IL12RB1: variants seen among roughly 807,000 people sequenced by gnomAD.
IL12RB1 encodes the protein interleukin 12 receptor subunit beta 1.
A neutral mutation model predicts 94.4 loss-of-function variants in IL12RB1; 64 were observed. The ratio of observed to expected loss-of-function variants is 0.68; its 90% CI spans 0.55 to 0.83. The LOEUF is 0.83. IL12RB1 is among the 40% of genes least tolerant of loss of function. The pLI is 0.00. For synonymous variants in IL12RB1, 362 were observed against 355.5 expected (o/e 1.02, Z -0.21); for missense variants, 814 against 855.6 (o/e 0.95, Z 0.61).
At chr19:18,098,886 C>T (rs937137649) in exon 1 of IL12RB1, 7 of 442,754 alleles carry the variant, frequency 1.6e-5, no homozygotes, top group Non-Finnish European at 3.2e-5. Context: ...GCAGCGGTGA[C>T]CCCACGGAGT....
In IL12RB1 at chr19:18,063,864, C is replaced by G; in HGVS notation, c.1618+12G>C. On this transcript the variant is annotated intron_variant, in intron 13 of 16. Coordinates refer to ENST00000593993, the MANE Select transcript of IL12RB1 (RefSeq NM_005535.3). ...GCTGGGTAAATAACTGGGTCCTACC[C>G]CCTCCACTCACCGATGCTGAAGCGC... 6.2e-7 allele frequency: 1 copy of G among 1,612,162 alleles called. No individual in the cohort carries two copies. Among genetic ancestry groups the G allele is most frequent in the Non-Finnish European group, 8.5e-7 (1 of 1,178,992 alleles).
Position 18,063,996 on chromosome 19 carries a change from G to A in IL12RB1, c.1498C>T (p.Pro500Ser). ...SKQVSEHPVQ[P>S]TETQVTLSGL... Reference sequence around the variant, plus strand: ...CTGAGGGTAACTTGGGTCTCTGTGGGCTGCACGGGATGCTCTGCAGTGGGA... The same window carrying A: ...CTGAGGGTAACTTGGGTCTCTGTGGACTGCACGGGATGCTCTGCAGTGGGA... The change falls in exon 13 of 17, where the codon CCC becomes TCC. Residue 500 changes from proline to serine, a missense_variant. Coordinates refer to ENST00000593993, the MANE Select transcript of IL12RB1 (RefSeq NM_005535.3). 21 of 1,611,794 alleles carry A rather than the reference G, an allele frequency of 1.3e-5. No homozygotes were observed. The highest frequency in any genetic ancestry group is 1.8e-5 in the Non-Finnish European group (21 of 1,178,156).
At chr19:18,089,167 T>C (rs1421230473), upstream of IL12RB1, among the ~76,000 whole-genome samples, 1 of 151,414 alleles carries the variant, frequency 6.6e-6, no homozygotes, top group Non-Finnish European at 1.5e-5. Flanking sequence ...AGGCAGACAG[T>C]AGCTGAGTGG....
intron 1 of IL12RB1, among the ~76,000 whole-genome samples, chr19:18,096,115 C>T (rs978683197): frequency 1.3e-5 from 2 of 152,100 alleles, no homozygotes; most frequent in East Asian, 3.9e-4. Flanking sequence ...GTGGTCCCAC[C>T]TACTCTGGGA....
intron 4 of IL12RB1, 92 bp downstream of exon 4, chr19:18,080,740 T>G (rs1161945445): frequency 1.1e-6 from 1 of 870,024 alleles, no homozygotes; most frequent in Non-Finnish European, 2.0e-6. Context: ...TCAAGTCCCT[T>G]GCCAAGGGCC....
chr19:18,096,251 A>G (rs558811337), intron 1 of IL12RB1, among the ~76,000 whole-genome samples: 1 of 151,538 alleles, frequency 6.6e-6, no homozygotes, highest in African/African-American at 2.4e-5. Flanking sequence ...CAAAAAAAAA[A>G]TTTTTTTTTA....
upstream of IL12RB1, among the ~76,000 whole-genome samples, chr19:18,088,388 A>AATATATATATATATATATATATATATAT (rs372635550): frequency 8.3e-5 from 9 of 108,512 alleles, no homozygotes; most frequent in South Asian, 2.8e-4. Flanking sequence ...TCCATCTCAA[A>AATATATATATATATATATATATATATAT]ATATATATAT....
intron 1 of IL12RB1, among the ~76,000 whole-genome samples, chr19:18,094,217 C>T (rs1401322958): frequency 6.6e-6 from 1 of 152,214 alleles, no homozygotes; most frequent in Non-Finnish European, 1.5e-5. Flanking sequence ...CAACCTCTGC[C>T]TCCCAGGTTC....
At chr19:18,080,387 C>T (rs568078457) in intron 4 of IL12RB1, among the ~76,000 whole-genome samples, 4 of 152,174 alleles carry the variant, frequency 2.6e-5, no homozygotes, top group East Asian at 3.9e-4. Flanking sequence ...TACAGGCGCG[C>T]GTGGCCACTC....
Position 18,059,291 on chromosome 19 carries a change from G to T in IL12RB1, c.*317C>A. On this transcript the variant is annotated 3_prime_UTR_variant, in exon 17 of 17. Coordinates refer to ENST00000593993, the MANE Select transcript of IL12RB1 (RefSeq NM_005535.3). The stretch of plus-strand genomic sequence containing the variant: ...AGACTCCCCATCCAGTGCTCCTGGG[G>T]GTGGATGCCCAGCCCAGGGTCCAGG... 2.0e-6 allele frequency: 1 copy of T among 488,900 alleles called. No individual in the cohort carries two copies. Among genetic ancestry groups the T allele is most frequent in the Admixed American group, 3.4e-5 (1 of 29,412 alleles). The allele number at this position is 488,900 out of a possible 1,614,324, so 30.3% of individuals were successfully genotyped here. A position where few individuals can be genotyped will look rare whatever the true frequency, so the allele number is the denominator to read the frequency against.
chr19:18,061,526 G>C (rs894219485), intron 14 of IL12RB1, among the ~76,000 whole-genome samples: 1 of 151,878 alleles, frequency 6.6e-6, no homozygotes, highest in Non-Finnish European at 1.5e-5. Flanking sequence ...CACCGTGCCC[G>C]GCTTGAAAGC....
In IL12RB1 at chr19:18,059,318, A is replaced by T; in HGVS notation, c.*290T>A. The T allele has an allele frequency of 1.9e-6, 1 of 540,276 alleles. No individual in the cohort carries two copies. Among genetic ancestry groups the T allele is most frequent in the Non-Finnish European group, 3.4e-6 (1 of 298,312 alleles). The allele number at this position is 540,276 out of a possible 1,614,324, so 33.5% of individuals were successfully genotyped here. On this transcript the variant is annotated 3_prime_UTR_variant, in exon 17 of 17. Coordinates refer to ENST00000593993, the MANE Select transcript of IL12RB1 (RefSeq NM_005535.3). The stretch of plus-strand genomic sequence containing the variant: ...TGGATGCCCAGCCCAGGGTCCAGGG[A>T]TCCATCTGAGCCCCCCTTGCCCCCA...
intron 1 of IL12RB1, among the ~76,000 whole-genome samples, chr19:18,096,193 G>T (rs1318059787): frequency 6.6e-6 from 1 of 152,036 alleles, no homozygotes; most frequent in Non-Finnish European, 1.5e-5. Context: ...AATGAGACAA[G>T]ATTGCACCAC....
chr19:18,082,082 CA>C, intron 3 of IL12RB1, 67 bp downstream of exon 3: 5 of 927,530 alleles, frequency 5.4e-6, no homozygotes, highest in Non-Finnish European at 8.8e-6. Context: ...AGAGTAGGGG[CA>C]CCAGAGGGGG....
At chr19:18,085,293 GCT>G (rs1445518735) in intron 1 of IL12RB1, among the ~76,000 whole-genome samples, 1 of 151,894 alleles carries the variant, frequency 6.6e-6, no homozygotes, top group Admixed American at 6.6e-5. Flanking sequence ...AACACACAAG[GCT>G]CTCCATCCTT....
intron 14 of IL12RB1, 104 bp from the exon 15 acceptor site, chr19:18,061,301 G>A (rs1441865488): frequency 2.9e-5 from 18 of 610,980 alleles, no homozygotes; most frequent in South Asian, 4.2e-5. Flanking sequence ...CGCGATCTCG[G>A]CTCACTGCAA....
At chr19:18,089,132 A>T (rs555185472), upstream of IL12RB1, among the ~76,000 whole-genome samples, 13 of 151,890 alleles carry the variant, frequency 8.6e-5, no homozygotes, top group Non-Finnish European at 1.9e-4. Context: ...CTTATATAAA[A>T]TATCCAAAAT....
At chr19:18,081,354 C>A (rs887012325) in intron 3 of IL12RB1, among the ~76,000 whole-genome samples, 1 of 151,560 alleles carries the variant, frequency 6.6e-6, no homozygotes, top group African/African-American at 2.4e-5. Flanking sequence ...CCTCAGCCTC[C>A]CAAAGTGCTG....
chr19:18,086,268 A>G (rs547096009), intron 1 of IL12RB1, among the ~76,000 whole-genome samples: 14 of 135,412 alleles, frequency 1.0e-4, no homozygotes, highest in East Asian at 2.3e-4. Context: ...AAATAAATAA[A>G]TAAGTAAAGT....
Sources: gnomAD v4.1 joint callset for allele counts (sites outside exome capture counted in the v4.1 genomes callset) on GRCh38, gnomAD v4.1.1 for gene constraint, MANE v1.5 for transcripts, NCBI Gene and HGNC (gene_info 2026-07-23, HGNC 2026-07-21) for gene names.